The following CSMD3 variants were observed in gnomAD, a reference collection of about 807,000 sequenced individuals.
CSMD3 encodes CUB and Sushi multiple domains 3, also known as CUB and sushi domain-containing protein 3.
In CSMD3, 177 loss-of-function variants were observed where a neutral mutation model predicts 435.2. The observed-to-expected ratio is 0.41, with a 90% CI of 0.36 to 0.46. The LOEUF (loss-of-function observed/expected upper bound fraction) is 0.46. CSMD3 is among the 20% of genes least tolerant of loss of function. The pLI is 0.34. For synonymous variants in CSMD3, 1,656 were observed against 1,520.5 expected, an observed-to-expected ratio of 1.09 and a Z score of -2.07; for missense variants, 4,265 against 4,504.6, an observed-to-expected ratio of 0.95 and a Z score of 1.52.
chr8:113,384,390 A>G (rs747208209), intron 1 of CSMD3, among the ~76,000 whole-genome samples: 3 of 152,216 alleles, frequency 2.0e-5, no homozygotes, highest in Non-Finnish European at 4.4e-5. Context: ...TGTATCAGTC[A>G]GGATCCAGAC....
chr8:113,201,336 C>T (rs1456474649), intron 3 of CSMD3, among the ~76,000 whole-genome samples: 1 of 151,868 alleles, frequency 6.6e-6, no homozygotes, highest in African/African-American at 2.4e-5. Context: ...TCAAAATCCT[C>T]ATGGGCTTAC....
At chr8:113,381,557 G>T (rs887818046) in intron 1 of CSMD3, among the ~76,000 whole-genome samples, 4 of 150,964 alleles carry the variant, frequency 2.6e-5, no homozygotes, top group African/African-American at 9.9e-5. Context: ...ATTTTAATGC[G>T]CTGTCCAATT....
At chr8:112,361,762 G>A (rs1241068710) in intron 38 of CSMD3, among the ~76,000 whole-genome samples, 1 of 151,066 alleles carries the variant, frequency 6.6e-6, no homozygotes, top group African/African-American at 2.4e-5. Context: ...AATTTGACAT[G>A]ACAACCTATG....
chr8:112,952,849 TAAAC>T, intron 8 of CSMD3, among the ~76,000 whole-genome samples: 1 of 151,712 alleles, frequency 6.6e-6, no homozygotes, highest in African/African-American at 2.4e-5. Flanking sequence ...AAATATTTCT[TAAAC>T]AAGATATTTT....
chr8:112,496,233 T>C (rs59255944), intron 30 of CSMD3, among the ~76,000 whole-genome samples: 2,674 of 152,264 alleles, frequency 0.018, 82 homozygotes, highest in African/African-American at 0.061. Context: ...CCTCCCAAAG[T>C]GCTGGAAATA....
rs1813374479 is a variant in CSMD3, at chr8:112,234,378, G to C, written c.10727C>G (p.Ala3576Gly). ...SVKKMKEENW[A>G]MDGFVSAEPD... Reference sequence around the variant, plus strand: ...AACTATACTTACAAAGCCATCCATTGCCCAATTTTCTTCCTTCATTTTCTT... The same window carrying C: ...AACTATACTTACAAAGCCATCCATTCCCCAATTTTCTTCCTTCATTTTCTT... The change falls in exon 68 of 71, where the codon GCA becomes GGA. Residue 3576 changes from alanine to glycine, a missense_variant. Physicochemically the swap from Ala to Gly is moderately conservative, Grantham distance 60. Coordinates refer to ENST00000297405, the MANE Select transcript of CSMD3 (RefSeq NM_198123.2). 1.9e-6 allele frequency: 3 copies of C among 1,605,320 alleles called. No homozygotes were observed. The highest frequency in any genetic ancestry group is 2.6e-6 in the Non-Finnish European group (3 of 1,172,554).
chr8:112,354,424 C>A (rs1314604417), intron 38 of CSMD3, among the ~76,000 whole-genome samples: 1 of 152,096 alleles, frequency 6.6e-6, no homozygotes, highest in Non-Finnish European at 1.5e-5. Flanking sequence ...TCTTCACTGA[C>A]AACATGATTT....
At chr8:112,427,618 T>C (rs1813205762) in intron 32 of CSMD3, among the ~76,000 whole-genome samples, 1 of 152,176 alleles carries the variant, frequency 6.6e-6, no homozygotes, top group African/African-American at 2.4e-5. Flanking sequence ...GAGAACAAAC[T>C]AATACATATG....
rs769936761 is a variant in CSMD3 at position 113,436,727 on chromosome 8, C to A, written c.128G>T (p.Gly43Val). The change falls in exon 1 of 71, where the codon GGA (glycine) becomes GTA (valine). Residue 43 changes from glycine (G) to valine (V), a missense_variant. Gly to Val is a moderately radical substitution (Grantham distance 109, BLOSUM62 -3). Coordinates refer to ENST00000297405, the MANE Select transcript of CSMD3 (RefSeq NM_198123.2). Reference sequence around the variant, plus strand: ...AAAGACGAGGTTCCAAAACGTAAATCCACTTTTAATCCCCATTTTCTTCAT... The same window carrying A: ...AAAGACGAGGTTCCAAAACGTAAATACACTTTTAATCCCCATTTTCTTCAT... Reference protein sequence around the residue: ...ILMKKMGIKSGFTFWNLVFLL... With the variant: ...ILMKKMGIKSVFTFWNLVFLL... 22 of 1,614,066 alleles carry A rather than the reference C, an allele frequency of 1.4e-5. No homozygotes were observed. Among genetic ancestry groups the A allele is most frequent in the Non-Finnish European group, 1.9e-5 (22 of 1,180,052 alleles).
chr8:113,004,613 T>C (rs2085987078), intron 6 of CSMD3, among the ~76,000 whole-genome samples: 1 of 151,896 alleles, frequency 6.6e-6, no homozygotes, highest in Non-Finnish European at 1.5e-5. Context: ...AGCGCAAGAT[T>C]TAGGGAGTGT....
intron 10 of CSMD3, among the ~76,000 whole-genome samples, chr8:112,874,208 G>A (rs1240522333): frequency 6.6e-6 from 1 of 152,124 alleles, no homozygotes; most frequent in Non-Finnish European, 1.5e-5. Context: ...TTTCCATGTA[G>A]TTGTGCAGTT....
chr8:112,290,348 A>G (rs898421637), intron 56 of CSMD3, among the ~76,000 whole-genome samples: 8 of 152,026 alleles, frequency 5.3e-5, no homozygotes, highest in African/African-American at 1.9e-4. Flanking sequence ...ATAGGAAATG[A>G]TAAGTCAAAA....
At chr8:113,349,335 T>G (rs2094174033) in intron 1 of CSMD3, among the ~76,000 whole-genome samples, 1 of 152,188 alleles carries the variant, frequency 6.6e-6, no homozygotes, top group South Asian at 2.1e-4. Context: ...ATAAAGTTTA[T>G]GTCTTACAGC....
chr8:113,301,956 C>T (rs113972294), intron 2 of CSMD3, among the ~76,000 whole-genome samples: 5 of 151,528 alleles, frequency 3.3e-5, no homozygotes, highest in Admixed American at 3.3e-4. Flanking sequence ...TTCTTATACC[C>T]TTTAACCTTT....
intron 3 of CSMD3, among the ~76,000 whole-genome samples, chr8:113,276,215 A>C (rs1163110518): frequency 6.6e-6 from 1 of 152,082 alleles, no homozygotes; most frequent in Non-Finnish European, 1.5e-5. Context: ...CATGGCCAAA[A>C]AGCCTTTGAA....
intron 4 of CSMD3, among the ~76,000 whole-genome samples, chr8:113,138,933 T>C (rs1429461144): frequency 2.6e-5 from 4 of 151,202 alleles, no homozygotes; most frequent in Non-Finnish European, 5.9e-5. Flanking sequence ...ATGTTTAGTA[T>C]TGTATTATGT....
chr8:113,086,108 C>G (rs1415835062), intron 5 of CSMD3, among the ~76,000 whole-genome samples: 2 of 151,696 alleles, frequency 1.3e-5, no homozygotes, highest in East Asian at 1.9e-4. Context: ...ATTAGCCAGG[C>G]GTGGGTGGCG....
chr8:112,391,588 A>T (rs897306124), intron 35 of CSMD3, among the ~76,000 whole-genome samples: 4 of 152,016 alleles, frequency 2.6e-5, no homozygotes, highest in Non-Finnish European at 4.4e-5. Flanking sequence ...GCTACTCTGG[A>T]GGCTGAGGCA....
chr8:112,993,594 C>A (rs1335845456), intron 6 of CSMD3, among the ~76,000 whole-genome samples: 2 of 151,708 alleles, frequency 1.3e-5, no homozygotes, highest in Non-Finnish European at 2.9e-5. Flanking sequence ...CATATAAGGT[C>A]TTCTTTTCAA....
Sources: gnomAD v4.1 joint callset for allele counts (sites outside exome capture counted in the v4.1 genomes callset) on GRCh38, gnomAD v4.1.1 for gene constraint, MANE v1.5 for transcripts, NCBI Gene and HGNC (gene_info 2026-07-23, HGNC 2026-07-21) for gene names.